HMGXB3: variants seen among roughly 807,000 people sequenced by gnomAD.
HMGXB3 encodes HMG domain-containing protein 3.
Under a neutral mutation model 121.5 loss-of-function variants are expected in HMGXB3, and 45 were observed. The observed-to-expected ratio is 0.37, with a 90% CI of 0.29 to 0.47. The LOEUF (loss-of-function observed/expected upper bound fraction) is 0.47, where lower values mean the gene tolerates loss of function less well. Ranked by LOEUF, HMGXB3 falls within the 20% of genes least tolerant of loss-of-function variation. The probability of loss-of-function intolerance (pLI) is 0.99; values close to 1 mark genes in which losing one functional copy is unlikely to be tolerated. For missense variants in HMGXB3, 1,376 were observed against 1,602.2 expected (o/e 0.86, Z 2.41); for synonymous variants, 590 against 624.1 (o/e 0.95, Z 0.81).
chr5:150,044,524 C>T lies in HMGXB3; in HGVS notation c.2731-942C>T, dbSNP rs79243889. On this transcript the variant is annotated intron_variant, in intron 15 of 19. Transcript: ENST00000502717. ...ATAAGAACTACATAGGGCAGTGGTT[C>T]TCACAACTTTTTACAGTGGAGGGCT... Among the ~76,000 whole-genome samples the T allele has an allele frequency of 3.2e-4, 48 of 152,276 alleles. 1 individual carries two copies. The East Asian group carries it at 8.7e-3, about 28-fold the overall frequency.
intron 9 of HMGXB3, among the ~76,000 whole-genome samples, chr5:150,028,301 A>C (rs889599301): frequency 1.3e-5 from 2 of 151,706 alleles, no homozygotes; most frequent in African/African-American, 2.4e-5. Flanking sequence ...GGTGACTTTG[A>C]ATAGAATGGG....
intron 3 of HMGXB3, among the ~76,000 whole-genome samples, chr5:150,007,075 T>C (rs1755720866): frequency 6.6e-6 from 1 of 152,240 alleles, no homozygotes; most frequent in African/African-American, 2.4e-5. Flanking sequence ...AAGGTTTGCA[T>C]GTTTAGAGGT....
In HMGXB3 at chr5:150,006,589, T is replaced by C; in HGVS notation, c.254T>C (p.Val85Ala). The C allele has an allele frequency of 6.4e-7, 1 of 1,552,298 alleles. No individual in the cohort carries two copies. Among genetic ancestry groups the C allele is most frequent in the Non-Finnish European group, 8.7e-7 (1 of 1,147,088 alleles). The change falls in exon 3 of 20, where the codon GTG (valine) becomes GCG (alanine). Residue 85 changes from valine to alanine, a missense_variant. Val to Ala is a moderately conservative substitution (Grantham distance 64). Around this residue, in one of 2 missense-constraint regions of HMGXB3, gnomAD observed 1,116 missense variants for 1,369.0 expected, o/e 0.82. Transcript: ENST00000502717. ...AGTGAGAGTTGGAGGCTTCTCAGCG[T>C]GGCCGAGAGGAGTTACTACTTGGAG... Reference protein sequence around the residue: ...KISESWRLLSVAERSYYLEKA... With the variant: ...KISESWRLLSAAERSYYLEKA...
Position 150,045,701 on chromosome 5 carries a change from G to C in HMGXB3, c.2950+16G>C. The C allele has an allele frequency of 1.3e-6, 2 of 1,542,620 alleles. No homozygotes were observed. Among genetic ancestry groups the C allele is most frequent in the South Asian group, 2.4e-5 (2 of 83,874 alleles). ...CCAGTACCTGGTAAGGCCACCTGGT[G>C]GCTGACTGGGGTCAAAAAAGGGCTC... is the stretch of plus-strand genomic sequence containing the variant. On this transcript the variant is annotated intron_variant, in intron 16 of 19. Transcript: ENST00000502717.
intron 11 of HMGXB3, among the ~76,000 whole-genome samples, 177 bp downstream of exon 11, chr5:150,032,780 C>T (rs376796336): frequency 2.6e-4 from 40 of 152,292 alleles, no homozygotes; most frequent in East Asian, 1.9e-3. Flanking sequence ...GCCTCCTTGT[C>T]CCCATTGCCA....
chr5:150,048,829 C>T, intron 18 of HMGXB3, 144 bp downstream of exon 18: 2 of 657,380 alleles, frequency 3.0e-6, no homozygotes, highest in South Asian at 3.6e-5. Flanking sequence ...CAGGTGCTAC[C>T]CCCTGGGCTA....
intron 16 of HMGXB3, among the ~76,000 whole-genome samples, chr5:150,046,378 T>C (rs1756755877): frequency 1.3e-5 from 2 of 152,234 alleles, no homozygotes; most frequent in African/African-American, 4.8e-5. Context: ...TGTGTATAAC[T>C]GAAACAACAT....
intron 5 of HMGXB3, among the ~76,000 whole-genome samples, chr5:150,012,800 A>AT (rs1340584223): frequency 6.6e-6 from 1 of 152,118 alleles, no homozygotes; most frequent in African/African-American, 2.4e-5. Flanking sequence ...CCCAGTTGAT[A>AT]TTTTTTTCAG....
intron 6 of HMGXB3, among the ~76,000 whole-genome samples, chr5:150,019,648 AAG>A (rs372545663): frequency 6.6e-6 from 1 of 152,242 alleles, no homozygotes; most frequent in African/African-American, 2.4e-5. Flanking sequence ...GGTATTATAG[AAG>A]AGAGAGAGTT....
rs1213009164 is a variant in HMGXB3 at position 150,032,339 on chromosome 5, G to T, written c.1834-115G>T. On this transcript the variant is annotated intron_variant, in intron 10 of 19. Coordinates refer to ENST00000502717, the MANE Select transcript of HMGXB3 (RefSeq NM_014983.3). ...GGCTCTTGAAGTTAGGCTGAATCTG[G>T]TTTGCAGTTGCCACTCTCTTCTCTG... 3 of 932,404 alleles carry T rather than the reference G, an allele frequency of 3.2e-6. No homozygotes were observed. In the African/African-American group the frequency reaches 5.0e-5, roughly 16 times the overall value. 57.8% of individuals were successfully genotyped at this position (932,404 alleles called of 1,614,324 possible). A position where few individuals can be genotyped will look rare whatever the true frequency, so the allele number is the denominator to read the frequency against.
In HMGXB3 at chr5:150,045,630, A is replaced by G. The variant is rs1756737497; in HGVS notation, c.2895A>G (p.Gly965=). 1 of 1,551,752 alleles carries G rather than the reference A, an allele frequency of 6.4e-7. No individual in the cohort carries two copies. Among genetic ancestry groups the G allele is most frequent in the East Asian group, 2.4e-5 (1 of 40,928 alleles). The change falls in exon 16 of 20, where the codon GGA becomes GGG. Residue 965 remains glycine, a synonymous_variant. Transcript: ENST00000502717. Reference sequence around the variant, plus strand: ...CCTTCTTCCCACCACTCATGAGAGGAGCTGTGGTCGTCAACACTGAGAAAG... The same window carrying G: ...CCTTCTTCCCACCACTCATGAGAGGGGCTGTGGTCGTCAACACTGAGAAAG... ...IAPFFPPLMR[G]AVVVNTEKDK...
At chr5:150,042,098 C>A in intron 15 of HMGXB3, 129 bp downstream of exon 15, 1 of 627,090 alleles carries the variant, frequency 1.6e-6, no homozygotes, top group Non-Finnish European at 2.7e-6. Context: ...AGTTTTTCCT[C>A]CCACAGCCCA....
intron 5 of HMGXB3, among the ~76,000 whole-genome samples, chr5:150,014,568 G>A (rs1451086382): frequency 6.6e-6 from 1 of 152,120 alleles, no homozygotes; most frequent in Non-Finnish European, 1.5e-5. Context: ...TCTAAAGCAC[G>A]AATGTGGAAA....
rs563779234 is a variant in HMGXB3, at chr5:150,016,906, CT to C, written c.910-1659del. Among the ~76,000 whole-genome samples, 463 of 152,208 alleles carry C rather than the reference CT, an allele frequency of 3.0e-3. 1 individual carries two copies. The highest frequency in any genetic ancestry group is 5.6e-3 in the Non-Finnish European group (380 of 68,016). ...GGTTATTTTAGTAGTTTCTTTAGGG[CT>C]AAAGTACATATTTTTAACTTATAAG... On this transcript the variant is annotated intron_variant, in intron 5 of 19. Transcript: ENST00000502717.
At position 150,031,180 on chromosome 5, in the gene HMGXB3, C is replaced by T. The variant is rs72832127; in HGVS notation, c.1833+341C>T. ...GCTTAGAAAGGGTGTTCCACAGTTA[C>T]ATTTAGGCAACGTTGCCTTTTTCTC... On this transcript the variant is annotated intron_variant, in intron 10 of 19. Transcript: ENST00000502717. Among the ~76,000 whole-genome samples the T allele has an allele frequency of 2.0e-5, 3 of 152,208 alleles. No homozygotes were observed. The East Asian group carries it at 5.8e-4, about 29-fold the overall frequency.
chr5:150,004,185 A>C (rs1046187796), intron 1 of HMGXB3, among the ~76,000 whole-genome samples: 4 of 152,104 alleles, frequency 2.6e-5, no homozygotes, highest in Non-Finnish European at 5.9e-5. Flanking sequence ...ATTATTTTTA[A>C]ATAGAGTTGT....
At chr5:150,026,986 C>T (rs1756247529) in intron 8 of HMGXB3, 34 bp from the exon 9 acceptor site, 4 of 1,547,636 alleles carry the variant, frequency 2.6e-6, no homozygotes, top group Non-Finnish European at 1.7e-6. Flanking sequence ...TCTGAATGCA[C>T]TTAAGTCACC....
At chr5:150,044,460 G>GC (rs1756710715) in intron 15 of HMGXB3, among the ~76,000 whole-genome samples, 1 of 152,206 alleles carries the variant, frequency 6.6e-6, no homozygotes, top group African/African-American at 2.4e-5. Context: ...GAGGAGAGGA[G>GC]CCTTTATGGG....
chr5:150,048,590 T>G lies in HMGXB3; in HGVS notation c.3106T>G (p.Leu1036Val). ...CCAGGACCAGCTCTGCTTCTCCTTG[T>G]TGGCCCTCTACGAATCTGTACAGAA... ...DSKDQLCFSL[L>V]ALYESVQNGA... The change falls in exon 18 of 20, where the codon TTG becomes GTG. Residue 1036 changes from leucine to valine, a missense_variant. Physicochemically the swap from Leu to Val is conservative, Grantham distance 32. Transcript: ENST00000502717. 6.4e-7 allele frequency: 1 copy of G among 1,552,022 alleles called. No individual in the cohort carries two copies. Among genetic ancestry groups the G allele is most frequent in the South Asian group, 1.2e-5 (1 of 84,048 alleles).
Sources: allele counts gnomAD v4.1 joint callset (sites outside exome capture counted in the v4.1 genomes callset), GRCh38; gene constraint gnomAD v4.1.1; regional missense constraint gnomAD v4.1.1; transcripts MANE v1.5; gene names NCBI Gene and HGNC (gene_info 2026-07-23, HGNC 2026-07-21).